Variants in ADIPOR2 observed in about 807,000 individuals in gnomAD.
ADIPOR2 encodes the protein adiponectin receptor 2.
Under a neutral mutation model 40.9 loss-of-function variants are expected in ADIPOR2, and 18 were observed. The ratio of observed to expected loss-of-function variants is 0.44; its 90% confidence interval spans 0.30 to 0.65. The LOEUF is 0.65. Among genes scored for constraint, ADIPOR2 ranks in the 30% least tolerant of loss-of-function variants. ADIPOR2 has a pLI of 0.09. For synonymous variants in ADIPOR2, 165 were observed against 166.4 expected (o/e 0.99, Z 0.06); for missense variants, 283 against 479.2 (o/e 0.59, Z 3.82).
chr12:1,782,332 AAAGC>A (rs1486073309), intron 6 of ADIPOR2, among the ~76,000 whole-genome samples: 1 of 152,238 alleles, frequency 6.6e-6, no homozygotes. Flanking sequence ...GGTAATGTCC[AAAGC>A]AAGTAATAGG....
intron 1 of ADIPOR2, among the ~76,000 whole-genome samples, chr12:1,701,085 T>G (rs1176440934): frequency 3.3e-5 from 5 of 152,072 alleles, no homozygotes; most frequent in Admixed American, 6.5e-5. Context: ...ACAGTTTACT[T>G]TCTTCCCAGA....
At position 1,780,440 on chromosome 12, in the gene ADIPOR2, C is replaced by T; in HGVS notation, c.464-11C>T. The T allele has an allele frequency of 3.2e-6, 5 of 1,584,866 alleles. No homozygotes were observed. The highest frequency in any genetic ancestry group is 2.3e-5 in the East Asian group (1 of 43,754). On this transcript the variant is annotated splice_polypyrimidine_tract_variant and intron_variant, in intron 4 of 7. Coordinates refer to ENST00000357103, the MANE Select transcript of ADIPOR2 (RefSeq NM_024551.3). ...TGATATTTTATCTATTTTCTGTGCTCTTTTTCCTAGGTTGTGTATTCTTCC... is the reference window on the plus strand; with the variant it reads ...TGATATTTTATCTATTTTCTGTGCTTTTTTTCCTAGGTTGTGTATTCTTCC...
chr12:1,723,854 G>C (rs2154442243), intron 1 of ADIPOR2, among the ~76,000 whole-genome samples: 1 of 152,276 alleles, frequency 6.6e-6, no homozygotes, highest in Non-Finnish European at 1.5e-5. Context: ...GAAAGCAGCA[G>C]GGTCTTGAAG....
intron 1 of ADIPOR2, among the ~76,000 whole-genome samples, chr12:1,715,616 C>T (rs2094685947): frequency 6.6e-6 from 1 of 152,154 alleles, no homozygotes; most frequent in Non-Finnish European, 1.5e-5. Flanking sequence ...CCCTTCTTTA[C>T]CCCTATCCAG....
chr12:1,702,943 T>A (rs1271600885), intron 1 of ADIPOR2: 2 of 152,218 alleles, frequency 1.3e-5, no homozygotes, highest in African/African-American at 4.8e-5. Context: ...AAAGGAGAAG[T>A]TTTCCCGTGG....
intron 1 of ADIPOR2, among the ~76,000 whole-genome samples, chr12:1,737,481 A>T (rs551775468): frequency 6.6e-6 from 1 of 152,290 alleles, no homozygotes; most frequent in South Asian, 2.1e-4. Flanking sequence ...ATTTATAATC[A>T]TTTCCAAGTT....
At chr12:1,723,639 CAAAA>C (rs1169404080) in intron 1 of ADIPOR2, among the ~76,000 whole-genome samples, 1 of 149,540 alleles carries the variant, frequency 6.7e-6, no homozygotes, top group Non-Finnish European at 1.5e-5. Context: ...GACTCCATCT[CAAAA>C]ACAAAACAAA....
chr12:1,761,122 G>T (rs1862260563), intron 2 of ADIPOR2: 1 of 152,082 alleles, frequency 6.6e-6, no homozygotes, highest in Non-Finnish European at 1.5e-5. Context: ...ATTAAACTAT[G>T]TTATAGGTAT....
At chr12:1,710,671 T>C (rs1473517813) in intron 1 of ADIPOR2, among the ~76,000 whole-genome samples, 1 of 152,020 alleles carries the variant, frequency 6.6e-6, no homozygotes, top group Non-Finnish European at 1.5e-5. Context: ...CCTGTACTTC[T>C]GGGCTGAGCC....
rs79126934 is a variant in ADIPOR2 at position 1,708,261 on chromosome 12, A to G, written c.-87+17070A>G. On this transcript the variant is annotated intron_variant, in intron 1 of 7. Transcript: ENST00000357103. ...TCAGTTTTGGGTGGATTAGGAGGGT[A>G]GAGAGGGGTTCTTGAAACCAGTCCA... Among the ~76,000 whole-genome samples, 16 of 151,276 alleles carry G rather than the reference A, an allele frequency of 1.1e-4. No homozygotes were observed. The East Asian group carries it at 2.9e-3, about 28-fold the overall frequency.
intron 3 of ADIPOR2, 42 bp downstream of exon 3, chr12:1,773,003 GCC>G (rs1289455010): frequency 6.3e-7 from 1 of 1,598,348 alleles, no homozygotes; most frequent in Non-Finnish European, 8.5e-7. Flanking sequence ...TATATATTTA[GCC>G]CTTCCAAAAC....
chr12:1,774,070 A>G (rs951331981), intron 3 of ADIPOR2, among the ~76,000 whole-genome samples: 1 of 152,230 alleles, frequency 6.6e-6, no homozygotes, highest in African/African-American at 2.4e-5. Flanking sequence ...CATTCTAGTG[A>G]TCACTGTCTC....
rs572559466 is a variant in ADIPOR2, at chr12:1,709,248, CTTA to C, written c.-87+18063_-87+18065del. Reference sequence around the variant, plus strand: ...CTTCTGGTCCTTGAAAATGGTGTATCTTATTATTTTTTAAGGTTCTTTAGTTTC... The same window carrying C: ...CTTCTGGTCCTTGAAAATGGTGTATCTTATTTTTTAAGGTTCTTTAGTTTC... On this transcript the variant is annotated intron_variant, in intron 1 of 7. Transcript: ENST00000357103. 1.0e-3 allele frequency among the ~76,000 whole-genome samples: 155 copies of C among 152,160 alleles called. 1 individual carries two copies. Among genetic ancestry groups the C allele is most frequent in the African/African-American group, 3.5e-3 (147 of 41,522 alleles).
Position 1,700,526 on chromosome 12 carries a change from T to C in ADIPOR2, c.-87+9335T>C, listed in dbSNP as rs1306418174. 2.0e-5 allele frequency among the ~76,000 whole-genome samples: 3 copies of C among 152,170 alleles called. No homozygotes were observed. In the East Asian group the frequency reaches 5.8e-4, roughly 29 times the overall value. Reference sequence around the variant, plus strand: ...AAAGATCTGGAAGTGTAATAAAATATGTGTAAAAAGAAGAAATCAGGGAAA... The same window carrying C: ...AAAGATCTGGAAGTGTAATAAAATACGTGTAAAAAGAAGAAATCAGGGAAA... On this transcript the variant is annotated intron_variant, in intron 1 of 7. Transcript: ENST00000357103.
intron 1 of ADIPOR2, among the ~76,000 whole-genome samples, chr12:1,723,228 T>C (rs1407005854): frequency 6.6e-6 from 1 of 152,030 alleles, no homozygotes; most frequent in Non-Finnish European, 1.5e-5. Context: ...ATGGATCATG[T>C]TTAATTGAAC....
At chr12:1,752,740 C>T (rs1862027858) in intron 1 of ADIPOR2, among the ~76,000 whole-genome samples, 1 of 152,194 alleles carries the variant, frequency 6.6e-6, no homozygotes, top group African/African-American at 2.4e-5. Context: ...TTATCTGGTA[C>T]AGAATTTACC....
At chr12:1,764,758 TTGTTTTTA>T (rs1346785601) in intron 2 of ADIPOR2, among the ~76,000 whole-genome samples, 9 of 152,174 alleles carry the variant, frequency 5.9e-5, no homozygotes, top group Admixed American at 5.2e-4. Flanking sequence ...TTAATTTTGC[TTGTTTTTA>T]TACTTTATCT....
chr12:1,693,404 G>C (rs1316721022), intron 1 of ADIPOR2, among the ~76,000 whole-genome samples: 1 of 151,948 alleles, frequency 6.6e-6, no homozygotes, highest in African/African-American at 2.4e-5. Flanking sequence ...AAAGGAGAAA[G>C]TAAAAGTTAT....
At chr12:1,785,582 C>G (rs963289958) in intron 7 of ADIPOR2, among the ~76,000 whole-genome samples, 48 of 152,104 alleles carry the variant, frequency 3.2e-4, no homozygotes, top group African/African-American at 1.1e-3. Flanking sequence ...GGCTAGGTGT[C>G]AAGGGATCCT....
Sources: allele counts gnomAD v4.1 joint callset (sites outside exome capture counted in the v4.1 genomes callset), GRCh38; gene constraint gnomAD v4.1.1; transcripts MANE v1.5; gene names NCBI Gene and HGNC (gene_info 2026-07-23, HGNC 2026-07-21).